KIF1B: variants seen among roughly 807,000 people sequenced by gnomAD.
KIF1B encodes kinesin family member 1B, also known as kinesin-like protein KIF1B.
A neutral mutation model predicts 241.9 loss-of-function variants in KIF1B; 76 were observed. The observed-to-expected ratio is 0.31, with a 90% CI of 0.26 to 0.38. KIF1B has a LOEUF of 0.38. Ranked by LOEUF, KIF1B falls within the 10% of genes least tolerant of loss-of-function variation. The probability of loss-of-function intolerance (pLI) is 1.00; values close to 1 mark genes in which losing one functional copy is unlikely to be tolerated. For missense variants in KIF1B, 1,622 were observed against 2,271.4 expected (o/e 0.71, Z 5.81); for synonymous variants, 750 against 796.7 (o/e 0.94, Z 0.99).
rs1290808280 is a variant in KIF1B, at chr1:10,324,857, C to T, written c.2637C>T (p.Pro879=). 28 of 1,613,964 alleles carry T rather than the reference C, an allele frequency of 1.7e-5. No individual in the cohort carries two copies. The highest frequency in any genetic ancestry group is 2.3e-5 in the Non-Finnish European group (27 of 1,180,034). Residue 879 remains proline, a synonymous_variant, in exon 26 of 49, where the codon CCC becomes CCT. Coordinates refer to ENST00000676179, the MANE Select transcript of KIF1B (RefSeq NM_001365951.3). The part of the protein sequence containing the change: ...ESETTVTGSD[P]FYDRFHWFKL... ...AAACCACTGTGACTGGCAGCGATCCCTTCTATGATCGGTTCCACTGGTTCA... is the reference window on the plus strand; with the variant it reads ...AAACCACTGTGACTGGCAGCGATCCTTTCTATGATCGGTTCCACTGGTTCA...
At chr1:10,262,479 A>G (rs759862326) in intron 5 of KIF1B, among the ~76,000 whole-genome samples, 2 of 152,294 alleles carry the variant, frequency 1.3e-5, no homozygotes, top group South Asian at 4.1e-4. Flanking sequence ...AAGTCTGTGC[A>G]TTTATTTGCA....
chr1:10,241,921 A>G (rs1264316314), intron 2 of KIF1B, among the ~76,000 whole-genome samples: 2 of 152,184 alleles, frequency 1.3e-5, no homozygotes, highest in African/African-American at 2.4e-5. Flanking sequence ...CAAGACCGTG[A>G]AAGGGATGCT....
intron 33 of KIF1B, 82 bp from the exon 34 acceptor site, chr1:10,343,150 A>G (rs1652460929): frequency 2.8e-6 from 4 of 1,435,442 alleles, no homozygotes; most frequent in Middle Eastern, 1.7e-4. Flanking sequence ...AGGAAATTCA[A>G]TTTGCAGTCC....
At chr1:10,220,397 T>TAGATAGATAGATAGATAGATAGATGATA (rs1553160022) in intron 1 of KIF1B, among the ~76,000 whole-genome samples, 3 of 144,170 alleles carry the variant, frequency 2.1e-5, no homozygotes, top group Admixed American at 7.1e-5. Context: ...GATAGATAGA[T>TAGATAGATAGATAGATAGATAGATGATA]GATAGATAGA....
chr1:10,353,804 G>T (rs1351839964), intron 38 of KIF1B, among the ~76,000 whole-genome samples: 3 of 152,184 alleles, frequency 2.0e-5, no homozygotes, highest in African/African-American at 7.2e-5. Context: ...ACATATGTAT[G>T]TCTGGGGAGG....
chr1:10,318,535 C>A (rs1419213781), intron 22 of KIF1B, among the ~76,000 whole-genome samples: 1 of 151,624 alleles, frequency 6.6e-6, no homozygotes, highest in African/African-American at 2.4e-5. Flanking sequence ...GCCTGGCCAA[C>A]ATGGTGAAAA....
intron 7 of KIF1B, 150 bp from the exon 8 acceptor site, chr1:10,271,352 T>A: frequency 1.4e-6 from 1 of 718,952 alleles, no homozygotes; most frequent in East Asian, 2.6e-5. Context: ...TGATAGATGT[T>A]GTCTTGATCT....
intron 15 of KIF1B, among the ~76,000 whole-genome samples, chr1:10,290,480 ATTCTTTTTT>A (rs1649939005): frequency 6.6e-6 from 1 of 151,898 alleles, no homozygotes; most frequent in Admixed American, 6.6e-5. Context: ...TGGGAACTTT[ATTCTTTTTT>A]TTCTTTTTTT....
chr1:10,223,787 G>A (rs61775886), intron 1 of KIF1B, among the ~76,000 whole-genome samples: 89 of 152,102 alleles, frequency 5.9e-4, no homozygotes, highest in African/African-American at 2.1e-3. Flanking sequence ...CTCATGATCC[G>A]CCCGCCTCGG....
At chr1:10,211,953 GAGA>G (rs774816777) in intron 1 of KIF1B, among the ~76,000 whole-genome samples, 19 of 152,218 alleles carry the variant, frequency 1.2e-4, no homozygotes, top group South Asian at 4.1e-4. Context: ...TCGACTTGCA[GAGA>G]AGAAGTAAAC....
intron 22 of KIF1B, among the ~76,000 whole-genome samples, chr1:10,300,520 A>C (rs749219939): frequency 1.3e-5 from 2 of 152,072 alleles, no homozygotes; most frequent in Non-Finnish European, 2.9e-5. Context: ...GAGTTTAAAG[A>C]TAACTTTTGT....
intron 41 of KIF1B, among the ~76,000 whole-genome samples, chr1:10,364,812 C>T (rs973796690): frequency 6.6e-6 from 1 of 151,700 alleles, no homozygotes; most frequent in East Asian, 2.0e-4. Flanking sequence ...CGAGACCATC[C>T]TGGCTAACAC....
chr1:10,301,903 T>C (rs1190853886), intron 22 of KIF1B, among the ~76,000 whole-genome samples: 1 of 152,196 alleles, frequency 6.6e-6, no homozygotes, highest in Non-Finnish European at 1.5e-5. Context: ...AATTACATTG[T>C]TGTGAAGTCA....
At chr1:10,291,452 T>C (rs1406923898) in intron 16 of KIF1B, among the ~76,000 whole-genome samples, 1 of 152,174 alleles carries the variant, frequency 6.6e-6, no homozygotes, top group East Asian at 1.9e-4. Context: ...GGCTCACGCC[T>C]GTAATGCCAG....
chr1:10,370,593 TAAG>T (rs70997223), intron 44 of KIF1B, among the ~76,000 whole-genome samples: 54 of 141,374 alleles, frequency 3.8e-4, no homozygotes, highest in East Asian at 1.0e-3. Context: ...ATAATAATAA[TAAG>T]AAGAAGAAGA....
chr1:10,319,936 C>G, intron 22 of KIF1B, 107 bp from the exon 23 acceptor site: 1 of 749,836 alleles, frequency 1.3e-6, no homozygotes, highest in African/African-American at 1.7e-5. Flanking sequence ...TGTCTCTTTT[C>G]CTTGTCCTTT....
intron 1 of KIF1B, chr1:10,227,656 A>C (rs1053603194): frequency 1.3e-5 from 2 of 152,378 alleles, no homozygotes; most frequent in African/African-American, 4.8e-5. Flanking sequence ...AAAACCACAA[A>C]AATTAACCTG....
chr1:10,378,632 A>T lies in KIF1B; in HGVS notation c.*2045A>T, dbSNP rs922081522. 1.7e-6 allele frequency: 1 copy of T among 572,340 alleles called. No homozygotes were observed. The highest frequency in any genetic ancestry group is 3.1e-6 in the Non-Finnish European group (1 of 320,056). The allele number at this position is 572,340 out of a possible 1,614,324, so 35.5% of individuals were successfully genotyped here. Reference sequence around the variant, plus strand: ...AGCTGGATGACTTCCCGCTTCACGCAGCAAAGGCCAGGGGCTTGCGCGCCT... The same window carrying T: ...AGCTGGATGACTTCCCGCTTCACGCTGCAAAGGCCAGGGGCTTGCGCGCCT... On this transcript the variant is annotated 3_prime_UTR_variant, in exon 49 of 49. Transcript: ENST00000676179.
chr1:10,370,752 G>A (rs1160582570), intron 44 of KIF1B, among the ~76,000 whole-genome samples: 1 of 151,716 alleles, frequency 6.6e-6, no homozygotes, highest in African/African-American at 2.4e-5. Context: ...TTGATTCCTG[G>A]TGTGGCACTT....
Sources: gnomAD v4.1 joint callset for allele counts (sites outside exome capture counted in the v4.1 genomes callset) on GRCh38, gnomAD v4.1.1 for gene constraint, MANE v1.5 for transcripts, NCBI Gene and HGNC (gene_info 2026-07-23, HGNC 2026-07-21) for gene names.